TNR: variants seen among roughly 807,000 people sequenced by gnomAD.
TNR encodes the protein tenascin-R.
In TNR, 45 loss-of-function variants were observed where a neutral mutation model predicts 150.4. That is an observed-to-expected ratio of 0.30 (90% CI 0.24 to 0.38). TNR has a LOEUF of 0.38. Ranked by LOEUF, TNR falls within the 10% of genes least tolerant of loss-of-function variation. The pLI, the probability that TNR is intolerant of heterozygous loss-of-function variation, is 1.00. For synonymous variants in TNR, 687 were observed against 678.4 expected (o/e 1.01, Z -0.20); for missense variants, 1,544 against 1,759.1 (o/e 0.88, Z 2.19).
chr1:175,493,871 C>T (rs1479004826), intron 2 of TNR, among the ~76,000 whole-genome samples: 1 of 152,184 alleles, frequency 6.6e-6, no homozygotes, highest in East Asian at 1.9e-4. Flanking sequence ...GAAACACACT[C>T]TGTGTACTTG....
intron 1 of TNR, among the ~76,000 whole-genome samples, chr1:175,606,165 T>C (rs1199531118): frequency 1.3e-5 from 2 of 152,238 alleles, no homozygotes; most frequent in Non-Finnish European, 2.9e-5. Context: ...ACCTGTCATC[T>C]TCTGCGTGCC....
At chr1:175,578,051 C>A (rs546063026) in intron 1 of TNR, among the ~76,000 whole-genome samples, 3 of 152,124 alleles carry the variant, frequency 2.0e-5, no homozygotes, top group Admixed American at 2.0e-4. Flanking sequence ...CAGGGCCTGC[C>A]GTGTGCTGGA....
chr1:175,395,814 G>A (rs930756255), intron 5 of TNR, among the ~76,000 whole-genome samples: 1 of 152,104 alleles, frequency 6.6e-6, no homozygotes, highest in Admixed American at 6.5e-5. Context: ...TAATTGTTAT[G>A]TAATCTTTTA....
intron 2 of TNR, among the ~76,000 whole-genome samples, chr1:175,524,627 C>A (rs1243446928): frequency 6.6e-6 from 1 of 152,056 alleles, no homozygotes. Flanking sequence ...AGGACAAAAG[C>A]AAGTTGGGCA....
chr1:175,403,121 A>C lies in TNR; in HGVS notation c.976+19T>G. The C allele has an allele frequency of 1.9e-6, 3 of 1,596,202 alleles. No homozygotes were observed. The highest frequency in any genetic ancestry group is 1.1e-5 in the South Asian group (1 of 89,326). Reference sequence around the variant, plus strand: ...CTGGACCACCCTTGCCAAACACCCCAGAGAGTTCCCCTGCCTACCTGCTGA... The same window carrying C: ...CTGGACCACCCTTGCCAAACACCCCCGAGAGTTCCCCTGCCTACCTGCTGA... On this transcript the variant is annotated intron_variant, in intron 4 of 22. Coordinates refer to ENST00000367674, the MANE Select transcript of TNR (RefSeq NM_003285.3).
At chr1:175,566,437 A>G (rs1377751299) in intron 1 of TNR, among the ~76,000 whole-genome samples, 1 of 152,350 alleles carries the variant, frequency 6.6e-6, no homozygotes, top group Non-Finnish European at 1.5e-5. Flanking sequence ...CCGCCTTGCA[A>G]GAGAACAGCC....
At chr1:175,591,102 G>A (rs573701451) in intron 1 of TNR, among the ~76,000 whole-genome samples, 129 of 152,252 alleles carry the variant, frequency 8.5e-4, no homozygotes, top group Admixed American at 1.9e-3. Flanking sequence ...AATAAGCAAG[G>A]TCTCAAGATG....
At chr1:175,616,930 C>T (rs191962689) in intron 1 of TNR, among the ~76,000 whole-genome samples, 1 of 152,190 alleles carries the variant, frequency 6.6e-6, no homozygotes, top group Admixed American at 6.5e-5. Context: ...TTCGAAGATG[C>T]CTTCCAGCTT....
At chr1:175,417,011 A>AAAAGAAAGAAAGAAATAAAG (rs1654498712) in intron 2 of TNR, among the ~76,000 whole-genome samples, 2 of 90,848 alleles carry the variant, frequency 2.2e-5, no homozygotes. Context: ...CCATCTCAAA[A>AAAAGAAAGAAAGAAATAAAG]AAAGAAAGAA....
At chr1:175,712,762 T>C (rs1034525532) in intron 1 of TNR, among the ~76,000 whole-genome samples, 2 of 152,108 alleles carry the variant, frequency 1.3e-5, no homozygotes, top group African/African-American at 4.8e-5. Flanking sequence ...CCTTCCACCA[T>C]GATTGTGAGC....
intron 1 of TNR, among the ~76,000 whole-genome samples, chr1:175,552,102 CAGGAAA>C (rs1660965824): frequency 6.6e-6 from 1 of 152,102 alleles, no homozygotes; most frequent in Non-Finnish European, 1.5e-5. Flanking sequence ...AGGAATGAGC[CAGGAAA>C]TCATTTTTTA....
At chr1:175,487,754 G>A (rs1216008436) in intron 2 of TNR, among the ~76,000 whole-genome samples, 1 of 152,196 alleles carries the variant, frequency 6.6e-6, no homozygotes, top group Admixed American at 6.5e-5. Context: ...AAAGCATTTT[G>A]CTCTGTGCCT....
rs560409956 is a variant in TNR at position 175,347,713 on chromosome 1, G to A, written c.3382+6678C>T. Among the ~76,000 whole-genome samples, 94 of 151,940 alleles carry A rather than the reference G, an allele frequency of 6.2e-4. 1 individual carries two copies. Among genetic ancestry groups the A allele is most frequent in the African/African-American group, 2.1e-3 (89 of 41,454 alleles). On this transcript the variant is annotated intron_variant, in intron 18 of 22. Transcript: ENST00000367674. Reference sequence around the variant, plus strand: ...TGGGATTACAGGTGTGAGCCACTGCGCCTGGCCTAAATAGTTTTTTTTTTA... The same window carrying A: ...TGGGATTACAGGTGTGAGCCACTGCACCTGGCCTAAATAGTTTTTTTTTTA...
chr1:175,491,652 T>C (rs1658256384), intron 2 of TNR, among the ~76,000 whole-genome samples: 1 of 140,360 alleles, frequency 7.1e-6, no homozygotes, highest in Non-Finnish European at 1.5e-5. Context: ...CTTTTTTTTT[T>C]TTTTTTTTTT....
Position 175,379,719 on chromosome 1 carries a change from T to C in TNR, c.1796A>G (p.Asn599Ser). Residue 599 changes from asparagine to serine, a missense_variant, in exon 9 of 23, where the codon AAC (asparagine) becomes AGC (serine). Asn to Ser is a conservative substitution (Grantham distance 46). This residue lies in a region of TNR where 1,254 missense variants were observed against 1,329.4 expected (regional missense o/e 0.94). Coordinates refer to ENST00000367674, the MANE Select transcript of TNR (RefSeq NM_003285.3). The stretch of plus-strand genomic sequence containing the variant: ...TGCTGTGCGAGAACCAACTCGCAAG[T>C]TCTTGGGGGCATCGATCTCTAAAAA... The part of the protein sequence containing the change: ...QFTTEIDAPK[N>S]LRVGSRTATS... The C allele has an allele frequency of 6.2e-7, 1 of 1,614,148 alleles. No individual in the cohort carries two copies. The highest frequency in any genetic ancestry group is 1.1e-5 in the South Asian group (1 of 91,054).
intron 1 of TNR, among the ~76,000 whole-genome samples, chr1:175,556,395 T>A (rs1212801704): frequency 6.6e-6 from 1 of 152,242 alleles, no homozygotes; most frequent in Non-Finnish European, 1.5e-5. Flanking sequence ...CCAAGCCTGA[T>A]TTTAGCATGC....
At chr1:175,380,003 A>G (rs933405975) in intron 8 of TNR, among the ~76,000 whole-genome samples, 1 of 152,188 alleles carries the variant, frequency 6.6e-6, no homozygotes, top group Non-Finnish European at 1.5e-5. Flanking sequence ...GCATTCTAGA[A>G]ACTTTAAAAG....
chr1:175,386,454 T>C (rs140018691), intron 7 of TNR, among the ~76,000 whole-genome samples, 153 bp from the exon 8 acceptor site: 20 of 152,336 alleles, frequency 1.3e-4, no homozygotes, highest in African/African-American at 4.8e-4. Context: ...TGAGACACAG[T>C]AAGATGAATA....
chr1:175,343,554 G>A (rs1650628993), intron 18 of TNR, among the ~76,000 whole-genome samples: 1 of 152,114 alleles, frequency 6.6e-6, no homozygotes, highest in African/African-American at 2.4e-5. Context: ...CCATTACTCT[G>A]TTTATTTATT....
Sources: gnomAD v4.1 joint callset for allele counts (sites outside exome capture counted in the v4.1 genomes callset) on GRCh38, gnomAD v4.1.1 for gene constraint, gnomAD v4.1.1 regional missense constraint, MANE v1.5 for transcripts, NCBI Gene and HGNC (gene_info 2026-07-23, HGNC 2026-07-21) for gene names.